The following TET3 variants were observed in gnomAD, a reference collection of about 807,000 sequenced individuals.
The protein encoded by TET3 is methylcytosine dioxygenase TET3.
A neutral mutation model predicts 141.4 loss-of-function variants in TET3; 19 were observed. The ratio of observed to expected loss-of-function variants is 0.13; its 90% CI spans 0.09 to 0.20. The LOEUF (loss-of-function observed/expected upper bound fraction) is 0.20, where lower values mean the gene tolerates loss of function less well. TET3 is among the 10% of genes least tolerant of loss of function. TET3 has a pLI of 1.00. For synonymous variants in TET3, 1,043 were observed against 980.9 expected (o/e 1.06, Z -1.18); for missense variants, 1,874 against 2,356.9 (o/e 0.80, Z 4.24).
intron 2 of TET3, among the ~76,000 whole-genome samples, chr2:73,989,640 C>G (rs143502707): frequency 0.01 from 1,545 of 148,394 alleles, 16 homozygotes; most frequent in African/African-American, 0.028. Context: ...CCCTAGGAGG[C>G]GGTGACTACT....
chr2:74,097,604 G>C (rs939482053), intron 10 of TET3, among the ~76,000 whole-genome samples: 1 of 152,212 alleles, frequency 6.6e-6, no homozygotes, highest in East Asian at 1.9e-4. Context: ...AGAAGAGGAA[G>C]AGTGGGGAGC....
chr2:74,108,943 C>T (rs941207751), downstream of TET3, among the ~76,000 whole-genome samples: 2 of 152,158 alleles, frequency 1.3e-5, no homozygotes, highest in African/African-American at 4.8e-5. Context: ...GCCAGGTGAT[C>T]GGCTTGGAGG....
chr2:74,132,902 C>CT, the TET3 span, among the ~76,000 whole-genome samples: 5 of 151,360 alleles, frequency 3.3e-5, no homozygotes, highest in East Asian at 1.9e-4. Flanking sequence ...TTTTTTTGTT[C>CT]TTTTTTTCTT....
In TET3 at chr2:74,106,028, C is replaced by T. The variant is rs1243256099; in HGVS notation, c.*3852C>T. 1 of 152,382 alleles carries T rather than the reference C, an allele frequency of 6.6e-6. No homozygotes were observed. Among genetic ancestry groups the T allele is most frequent in the African/African-American group, 2.4e-5 (1 of 41,274 alleles). The allele number at this position is 152,382 out of a possible 1,614,324, so 9.4% of individuals were successfully genotyped here. A position where few individuals can be genotyped will look rare whatever the true frequency, so the allele number is the denominator to read the frequency against. On this transcript the variant is annotated 3_prime_UTR_variant, in exon 12 of 12. Coordinates refer to ENST00000409262, the MANE Select transcript of TET3 (RefSeq NM_001287491.2). ...TGTGACTGTCCCTGATCCTGTCTTGCTGAGGTGCTATCAACGTTCTGAAAC... is the reference window on the plus strand; with the variant it reads ...TGTGACTGTCCCTGATCCTGTCTTGTTGAGGTGCTATCAACGTTCTGAAAC...
At chr2:74,023,703 A>G (rs966850119) in intron 3 of TET3, among the ~76,000 whole-genome samples, 2 of 152,166 alleles carry the variant, frequency 1.3e-5, no homozygotes, top group African/African-American at 4.8e-5. Context: ...CAGTATTTCT[A>G]TGACTTCTTG....
the TET3 span, among the ~76,000 whole-genome samples, chr2:74,122,799 C>T: frequency 4.2e-4 from 62 of 148,148 alleles, no homozygotes; most frequent in South Asian, 8.6e-4. Context: ...ACCCTGTGAT[C>T]GGCCTGCCTC....
chr2:74,124,829 T>C, the TET3 span, among the ~76,000 whole-genome samples: 1 of 151,858 alleles, frequency 6.6e-6, no homozygotes, highest in African/African-American at 2.4e-5. Context: ...CCAGAGACCC[T>C]TGTTCACATG....
chr2:74,040,105 G>A (rs1687265194), intron 3 of TET3, among the ~76,000 whole-genome samples: 1 of 152,200 alleles, frequency 6.6e-6, no homozygotes, highest in Non-Finnish European at 1.5e-5. Flanking sequence ...CGATGCATAT[G>A]AATGGCATTC....
chr2:74,117,956 G>A, the TET3 span, among the ~76,000 whole-genome samples: 27 of 152,156 alleles, frequency 1.8e-4, no homozygotes, highest in Admixed American at 1.7e-3. Context: ...ATGTTGGCCA[G>A]GCTGGTCTCG....
At chr2:74,058,348 G>C (rs962964552) in intron 4 of TET3, among the ~76,000 whole-genome samples, 1 of 152,108 alleles carries the variant, frequency 6.6e-6, no homozygotes, top group Non-Finnish European at 1.5e-5. Flanking sequence ...CGGTGTTCTC[G>C]GCGAACAGTG....
chr2:74,032,447 GTC>G (rs148094084), intron 3 of TET3, among the ~76,000 whole-genome samples: 32 of 65,502 alleles, frequency 4.9e-4, no homozygotes, highest in Admixed American at 9.1e-4. Context: ...AGAGGGGTGT[GTC>G]TCTGTGTGTG....
Position 74,087,243 on chromosome 2 carries a change from A to G in TET3, c.2680-587A>G, listed in dbSNP as rs1243773067. Among the ~76,000 whole-genome samples the G allele has an allele frequency of 6.6e-6, 1 of 152,092 alleles. No individual in the cohort carries two copies. The highest frequency in any genetic ancestry group is 2.4e-5 in the African/African-American group (1 of 41,384). On this transcript the variant is annotated intron_variant, in intron 6 of 11. Coordinates refer to ENST00000409262, the MANE Select transcript of TET3 (RefSeq NM_001287491.2). This position sits in a 1 kb window ranked among gnomAD's most constrained non-coding sequence, Gnocchi z 4.3. ...ACCGATGGACCCTGGGGGTGCTTCC[A>G]CCTTTTGGCTGTTGTGAATAGTGCT...
chr2:73,997,318 C>T (rs534467348), intron 2 of TET3, among the ~76,000 whole-genome samples: 4 of 152,274 alleles, frequency 2.6e-5, no homozygotes. Flanking sequence ...ATGGGTGGCT[C>T]TTTCCTGTCT....
At chr2:74,120,251 A>C in the TET3 span, among the ~76,000 whole-genome samples, 1 of 144,042 alleles carries the variant, frequency 6.9e-6, no homozygotes, top group South Asian at 2.5e-4. Flanking sequence ...TCTCCTTGCC[A>C]GGCTGCAAAC....
At position 73,985,061 on chromosome 2, in the gene TET3, A is replaced by AGGC. The variant is rs1004346756; in HGVS notation, c.-505_-503dup. 1.2e-4 allele frequency: 17 copies of AGGC among 145,028 alleles called. No homozygotes were observed. Among genetic ancestry groups the AGGC allele is most frequent in the South Asian group, 5.5e-4 (3 of 5,466 alleles). The allele number at this position is 145,028 out of a possible 1,614,324, so 9.0% of individuals were successfully genotyped here. A position where few individuals can be genotyped will look rare whatever the true frequency, so the allele number is the denominator to read the frequency against. On this transcript the variant is annotated 5_prime_UTR_variant, in exon 1 of 12. Coordinates refer to ENST00000409262, the MANE Select transcript of TET3 (RefSeq NM_001287491.2). Reference sequence around the variant, plus strand: ...GGGCGCTCCGGGAGGCGGGAGCCCCAGGCGGCGGCGGCGGCGGCCGCGACG... The same window carrying AGGC: ...GGGCGCTCCGGGAGGCGGGAGCCCCAGGCGGCGGCGGCGGCGGCGGCCGCGACG...
At chr2:74,032,487 G>GCGCGCGCGCGCGA (rs1558730116) in intron 3 of TET3, among the ~76,000 whole-genome samples, 6 of 150,460 alleles carry the variant, frequency 4.0e-5, no homozygotes, top group Non-Finnish European at 7.4e-5. Context: ...GTGTGTGTGT[G>GCGCGCGCGCGCGA]TGTGTGTGTG....
At chr2:74,126,913 C>T in the TET3 span, among the ~76,000 whole-genome samples, 2 of 152,114 alleles carry the variant, frequency 1.3e-5, no homozygotes, top group East Asian at 1.9e-4. Flanking sequence ...AATCTGGCCA[C>T]GTAGGAATTA....
intron 3 of TET3, among the ~76,000 whole-genome samples, chr2:74,045,736 T>C (rs973303686): frequency 6.6e-6 from 1 of 152,182 alleles, no homozygotes; most frequent in Non-Finnish European, 1.5e-5. Flanking sequence ...AGGACAGTTT[T>C]AGGGGGAGAA....
intron 4 of TET3, among the ~76,000 whole-genome samples, chr2:74,067,584 C>T (rs373700636): frequency 4.6e-5 from 7 of 152,172 alleles, no homozygotes; most frequent in Non-Finnish European, 1.0e-4. Flanking sequence ...ATACATGCCT[C>T]AATAATTGAC....
Sources: gnomAD v4.1 joint callset for allele counts (sites outside exome capture counted in the v4.1 genomes callset) on GRCh38, gnomAD v4.1.1 for gene constraint, Gnocchi (gnomAD v3.1) non-coding constraint, MANE v1.5 for transcripts, NCBI Gene and HGNC (gene_info 2026-07-23, HGNC 2026-07-21) for gene names.